DLGAP2: variants seen among roughly 807,000 people sequenced by gnomAD.
The protein encoded by DLGAP2 is disks large-associated protein 2.
Under a neutral mutation model 100.3 loss-of-function variants are expected in DLGAP2, and 26 were observed. That is an observed-to-expected ratio of 0.26 (90% CI 0.19 to 0.36). The LOEUF is 0.36. Ranked by LOEUF, DLGAP2 falls within the 10% of genes least tolerant of loss-of-function variation. The probability of loss-of-function intolerance (pLI) is 1.00; values close to 1 mark genes in which losing one functional copy is unlikely to be tolerated. For missense variants in DLGAP2, 1,858 were observed against 1,453.2 expected, an observed-to-expected ratio of 1.28 and a Z score of -4.53; for synonymous variants, 886 against 630.1, an observed-to-expected ratio of 1.41 and a Z score of -6.08.
At chr8:1,575,186 C>G (rs1802915068) in intron 6 of DLGAP2, among the ~76,000 whole-genome samples, 1 of 152,180 alleles carries the variant, frequency 6.6e-6, no homozygotes, top group South Asian at 2.1e-4. Context: ...CCTTTGATGA[C>G]AGAGGTTGAC....
At chr8:1,599,253 T>G (rs574125461) in intron 6 of DLGAP2, among the ~76,000 whole-genome samples, 96 of 152,344 alleles carry the variant, frequency 6.3e-4, no homozygotes, top group African/African-American at 2.2e-3. Flanking sequence ...TCCATCCTTT[T>G]GCATTTGCTG....
chr8:1,457,342 T>C (rs1210950185), intron 3 of DLGAP2, among the ~76,000 whole-genome samples: 2 of 150,742 alleles, frequency 1.3e-5, no homozygotes, highest in Non-Finnish European at 2.9e-5. Flanking sequence ...CTCCACTAGA[T>C]TTCTTCATTG....
At chr8:786,414 A>G (rs899949853) in intron 1 of DLGAP2, among the ~76,000 whole-genome samples, 2 of 152,162 alleles carry the variant, frequency 1.3e-5, no homozygotes, top group African/African-American at 4.8e-5. Flanking sequence ...TCGATTCTCA[A>G]AAGAATGACC....
chr8:1,597,980 A>G (rs1205424601), intron 6 of DLGAP2, among the ~76,000 whole-genome samples: 1 of 152,206 alleles, frequency 6.6e-6, no homozygotes, highest in East Asian at 1.9e-4. Flanking sequence ...GTTTTTGCCC[A>G]TTCAGTATGA....
At chr8:1,033,696 G>C (rs1419906985) in intron 2 of DLGAP2, among the ~76,000 whole-genome samples, 1 of 152,094 alleles carries the variant, frequency 6.6e-6, no homozygotes. Context: ...ACCGCGAGTG[G>C]ATTCACACGC....
At chr8:1,484,057 G>A (rs754744903) in intron 3 of DLGAP2, among the ~76,000 whole-genome samples, 26 of 152,252 alleles carry the variant, frequency 1.7e-4, no homozygotes, top group Non-Finnish European at 2.9e-4. Context: ...TCCATGTGGA[G>A]GCAGCTGGAA....
At chr8:1,245,601 C>T (rs1798886352) in intron 2 of DLGAP2, among the ~76,000 whole-genome samples, 1 of 152,208 alleles carries the variant, frequency 6.6e-6, no homozygotes, top group South Asian at 2.1e-4. Flanking sequence ...TGAGGGTTAA[C>T]TGCCGAAGGG....
chr8:902,354 C>T (rs1227049487), intron 1 of DLGAP2, among the ~76,000 whole-genome samples: 3 of 143,460 alleles, frequency 2.1e-5, no homozygotes, highest in African/African-American at 5.2e-5. Flanking sequence ...TTGGCGGGCG[C>T]GGGGGCTGGG....
Position 1,265,652 on chromosome 8 carries a change from C to G in DLGAP2, c.106+6769C>G, listed in dbSNP as rs541444029. ...ACAAGTACAGACACTCCCATGCCTT[C>G]TAAAGTGAAACCACGGAATAGGAGA... is the stretch of plus-strand genomic sequence containing the variant. On this transcript the variant is annotated intron_variant, in intron 3 of 14. Transcript: ENST00000637795. 1.8e-4 allele frequency among the ~76,000 whole-genome samples: 27 copies of G among 152,298 alleles called. No homozygotes were observed. The South Asian group carries it at 3.5e-3, about 20-fold the overall frequency.
chr8:896,883 C>G (rs1324546568), intron 1 of DLGAP2, among the ~76,000 whole-genome samples: 1 of 152,080 alleles, frequency 6.6e-6, no homozygotes, highest in Non-Finnish European at 1.5e-5. Context: ...TTGATGAATT[C>G]TTTGTGTTTT....
intron 3 of DLGAP2, among the ~76,000 whole-genome samples, chr8:1,344,705 C>T (rs904009573): frequency 6.6e-6 from 1 of 152,214 alleles, no homozygotes; most frequent in Non-Finnish European, 1.5e-5. Flanking sequence ...TAACCCCACA[C>T]TGGTCTATCC....
chr8:1,276,248 C>G (rs944656666), intron 3 of DLGAP2, among the ~76,000 whole-genome samples: 1 of 151,404 alleles, frequency 6.6e-6, no homozygotes, highest in Admixed American at 6.6e-5. Flanking sequence ...ATATTTCTTT[C>G]ATAACAACCT....
chr8:1,459,999 G>GGAAT (rs1798429164), intron 3 of DLGAP2, among the ~76,000 whole-genome samples: 1 of 152,142 alleles, frequency 6.6e-6, no homozygotes, highest in Admixed American at 6.5e-5. Flanking sequence ...TTTATGTAAT[G>GGAAT]GAATGAAGTC....
chr8:859,126 T>G (rs1218435317), intron 1 of DLGAP2, among the ~76,000 whole-genome samples: 1 of 152,010 alleles, frequency 6.6e-6, no homozygotes, highest in Admixed American at 6.6e-5. Flanking sequence ...TTTTTTTTTT[T>G]TTTGAGATGG....
chr8:1,304,719 A>C (rs564042812), intron 3 of DLGAP2, among the ~76,000 whole-genome samples: 1 of 152,348 alleles, frequency 6.6e-6, no homozygotes, highest in African/African-American at 2.4e-5. Flanking sequence ...CGACAAAAGC[A>C]AGCAGGGTAA....
intron 2 of DLGAP2, among the ~76,000 whole-genome samples, chr8:994,793 A>T (rs542928250): frequency 6.6e-6 from 1 of 152,278 alleles, no homozygotes; most frequent in East Asian, 1.9e-4. Flanking sequence ...CAAGTCCCCA[A>T]AGTGTGATTC....
At chr8:1,427,370 A>G (rs1224778676) in intron 3 of DLGAP2, among the ~76,000 whole-genome samples, 1 of 152,226 alleles carries the variant, frequency 6.6e-6, no homozygotes, top group Non-Finnish European at 1.5e-5. Context: ...AGCATAACCC[A>G]AAGAGTAACA....
intron 3 of DLGAP2, among the ~76,000 whole-genome samples, chr8:1,348,001 C>G (rs1464408774): frequency 6.8e-6 from 1 of 147,928 alleles, no homozygotes; most frequent in Non-Finnish European, 1.5e-5. Flanking sequence ...AGTTCCCATA[C>G]AGAGCTGCAT....
chr8:1,252,735 T>G (rs928621809), intron 2 of DLGAP2, among the ~76,000 whole-genome samples: 1 of 152,246 alleles, frequency 6.6e-6, no homozygotes, highest in Non-Finnish European at 1.5e-5. Context: ...CAGGCAGGCC[T>G]GCTGTCATCT....
Sources: gnomAD v4.1 joint callset for allele counts (sites outside exome capture counted in the v4.1 genomes callset) on GRCh38, gnomAD v4.1.1 for gene constraint, MANE v1.5 for transcripts, NCBI Gene and HGNC (gene_info 2026-07-23, HGNC 2026-07-21) for gene names.